ZNF292: variants seen among roughly 807,000 people sequenced by gnomAD.
The protein encoded by ZNF292 is zinc finger protein 292, also known as 16 zinc-finger domain protein.
Under a neutral mutation model 217.9 loss-of-function variants are expected in ZNF292, and 26 were observed. The observed-to-expected ratio is 0.12, with a 90% CI of 0.09 to 0.17. ZNF292 has a LOEUF of 0.17. Among genes scored for constraint, ZNF292 ranks in the 10% least tolerant of loss-of-function variants. ZNF292 has a pLI of 1.00. For synonymous variants in ZNF292, 1,257 were observed against 1,124.1 expected, an observed-to-expected ratio of 1.12 and a Z score of -2.37; for missense variants, 2,904 against 3,175.2, an observed-to-expected ratio of 0.91 and a Z score of 2.05.
intron 7 of ZNF292, among the ~76,000 whole-genome samples, chr6:87,249,875 A>G (rs1479191710): frequency 1.3e-5 from 2 of 151,870 alleles, no homozygotes; most frequent in East Asian, 3.9e-4. Context: ...ATGCCCAGCT[A>G]ATTTTTGTAT....
At chr6:87,229,338 A>G (rs578103668) in intron 4 of ZNF292, among the ~76,000 whole-genome samples, 10 of 152,270 alleles carry the variant, frequency 6.6e-5, no homozygotes, top group African/African-American at 2.4e-4. Context: ...TCTACATACA[A>G]GATCATGTCA....
chr6:87,239,752 T>A lies in ZNF292; in HGVS notation c.742-3723T>A, dbSNP rs138533207. On this transcript the variant is annotated intron_variant, in intron 5 of 7. Coordinates refer to ENST00000369577, the MANE Select transcript of ZNF292 (RefSeq NM_015021.3). ...GCAGAGGCGCTCCTCACATCCCAGA[T>A]GGGGCGGTGGGGCAGAGGCGCTCCC... is the stretch of plus-strand genomic sequence containing the variant. Among the ~76,000 whole-genome samples the A allele has an allele frequency of 8.3e-4, 78 of 94,102 alleles. 6 individuals are homozygous for A. The East Asian group carries it at 0.021, about 25-fold the overall frequency. The allele number at this position is 94,102 out of a possible 152,430, so 61.7% of individuals were successfully genotyped here.
intron 3 of ZNF292, among the ~76,000 whole-genome samples, chr6:87,217,793 A>G (rs1043025560): frequency 2.0e-5 from 3 of 152,142 alleles, no homozygotes; most frequent in Non-Finnish European, 4.4e-5. Context: ...TTGTTTGAAC[A>G]TAGCATGCAG....
chr6:87,200,633 G>A (rs986483027), intron 1 of ZNF292, among the ~76,000 whole-genome samples: 1 of 152,096 alleles, frequency 6.6e-6, no homozygotes, highest in African/African-American at 2.4e-5. Flanking sequence ...AGAAATTATG[G>A]GCCACACCAT....
chr6:87,156,512 A>G (rs1434256213), intron 1 of ZNF292, among the ~76,000 whole-genome samples: 1 of 152,198 alleles, frequency 6.6e-6, no homozygotes, highest in South Asian at 2.1e-4. Flanking sequence ...CGGTTTTTCC[A>G]GAGTCCGTTT....
chr6:87,262,123 ATAACAG>A lies in ZNF292; in HGVS notation c.*325_*330del, dbSNP rs1029434379. 5.7e-6 allele frequency: 1 copy of A among 176,596 alleles called. No homozygotes were observed. Among genetic ancestry groups the A allele is most frequent in the African/African-American group, 2.4e-5 (1 of 42,294 alleles). 10.9% of individuals were successfully genotyped at this position (176,596 alleles called of 1,614,324 possible). A position where few individuals can be genotyped will look rare whatever the true frequency, so the allele number is the denominator to read the frequency against. On this transcript the variant is annotated 3_prime_UTR_variant, in exon 8 of 8. Coordinates refer to ENST00000369577, the MANE Select transcript of ZNF292 (RefSeq NM_015021.3). Reference sequence around the variant, plus strand: ...TGTTTCACCAGGTCACTGCTCATGTATAACAGTACTCTTTATTTGTAGATACCTTTT... The same window carrying A: ...TGTTTCACCAGGTCACTGCTCATGTATACTCTTTATTTGTAGATACCTTTT...
chr6:87,249,381 G>T (rs1469694252), intron 7 of ZNF292: 3 of 424,902 alleles, frequency 7.1e-6, no homozygotes, highest in Middle Eastern at 3.3e-4. Context: ...CCGTGCCTTG[G>T]CCTTCCAAAG....
intron 4 of ZNF292, among the ~76,000 whole-genome samples, chr6:87,219,217 T>C (rs542209165): frequency 6.6e-5 from 10 of 152,308 alleles, no homozygotes; most frequent in African/African-American, 2.4e-4. Context: ...CTATTGAAAG[T>C]AGATGGCTAA....
At chr6:87,201,087 A>T (rs1274649226) in intron 1 of ZNF292, among the ~76,000 whole-genome samples, 1 of 152,184 alleles carries the variant, frequency 6.6e-6, no homozygotes, top group African/African-American at 2.4e-5. Flanking sequence ...AAGGCAACAT[A>T]CTCAGAAGTA....
intron 1 of ZNF292, among the ~76,000 whole-genome samples, chr6:87,162,843 C>T (rs532098323): frequency 6.6e-6 from 1 of 152,312 alleles, no homozygotes; most frequent in South Asian, 2.1e-4. Flanking sequence ...TGAGAGGTTA[C>T]ATTATTTTTC....
chr6:87,203,411 G>C (rs766900656), intron 1 of ZNF292, among the ~76,000 whole-genome samples: 21 of 152,094 alleles, frequency 1.4e-4, no homozygotes, highest in Non-Finnish European at 2.5e-4. Context: ...CCAAAGTGCT[G>C]GGATTACAAG....
Position 87,260,818 on chromosome 6 carries a change from G to T in ZNF292, c.7189G>T (p.Val2397Phe), listed in dbSNP as rs761679576. Residue 2397 changes from valine (V) to phenylalanine (F), a missense_variant, in exon 8 of 8, where the codon GTT becomes TTT. Physicochemically the swap from Val to Phe is conservative, Grantham distance 50. Coordinates refer to ENST00000369577, the MANE Select transcript of ZNF292 (RefSeq NM_015021.3). ...TATGATAAAGGGATGTACTTCAGTT[G>T]TTACAAGTGAAAGCAATATAATTAG... Reference protein sequence around the residue: ...PCMIKGCTSVVTSESNIIRHY... With the variant: ...PCMIKGCTSVFTSESNIIRHY... 16 of 1,612,698 alleles carry T rather than the reference G, an allele frequency of 9.9e-6. No individual in the cohort carries two copies. The highest frequency in any genetic ancestry group is 1.0e-5 in the Non-Finnish European group (12 of 1,179,288).
In ZNF292 at chr6:87,255,058, G is replaced by C. The variant is rs1168172810; in HGVS notation, c.1429G>C (p.Glu477Gln). 1 of 1,613,704 alleles carries C rather than the reference G, an allele frequency of 6.2e-7. No individual in the cohort carries two copies. Among genetic ancestry groups the C allele is most frequent in the Admixed American group, 1.7e-5 (1 of 60,004 alleles). ...TTCAATAGATGAACTAAATGACAGT[G>C]AAGTATATGAAAAAGTGGTAGACTA... Reference protein sequence around the residue: ...VSSIDELNDSEVYEKVVDYQE... With the variant: ...VSSIDELNDSQVYEKVVDYQE... Residue 477 changes from glutamate to glutamine, a missense_variant, in exon 8 of 8, where the codon GAA becomes CAA. Glu to Gln is a conservative substitution (Grantham distance 29). Coordinates refer to ENST00000369577, the MANE Select transcript of ZNF292 (RefSeq NM_015021.3).
chr6:87,173,135 A>G lies in ZNF292; in HGVS notation c.168+17376A>G, dbSNP rs115395177. Among the ~76,000 whole-genome samples the G allele has an allele frequency of 3.4e-3, 520 of 152,230 alleles. 3 individuals carry two copies. The highest frequency in any genetic ancestry group is 0.012 in the African/African-American group (483 of 41,556). The stretch of plus-strand genomic sequence containing the variant: ...AGCAGCTCTTACTTTTTTATTCTAT[A>G]TACAGTAAAATGGCACTTTAATAAT... On this transcript the variant is annotated intron_variant, in intron 1 of 7. Coordinates refer to ENST00000369577, the MANE Select transcript of ZNF292 (RefSeq NM_015021.3).
intron 7 of ZNF292, among the ~76,000 whole-genome samples, chr6:87,254,393 C>T (rs2127855364): frequency 6.6e-6 from 1 of 152,294 alleles, no homozygotes; most frequent in East Asian, 1.9e-4. Flanking sequence ...CAAATAACTT[C>T]CAAGTTTGCC....
chr6:87,193,225 C>T (rs1369813786), intron 1 of ZNF292, among the ~76,000 whole-genome samples: 2 of 152,056 alleles, frequency 1.3e-5, no homozygotes, highest in African/African-American at 4.8e-5. Flanking sequence ...CATTATGCCA[C>T]AAGGGGAAAA....
chr6:87,182,138 G>A (rs572173810), intron 1 of ZNF292, among the ~76,000 whole-genome samples: 11 of 152,080 alleles, frequency 7.2e-5, no homozygotes, highest in Non-Finnish European at 1.5e-4. Flanking sequence ...AATTAGCTTT[G>A]TTATTAAAAA....
rs188313911 is a variant in ZNF292 at position 87,253,371 on chromosome 6, G to A, written c.1021-1279G>A. ...AGCCCCACAGGTAGCTGGGACTACA[G>A]CTGCATACCACCACACCTGGCTAAT... On this transcript the variant is annotated intron_variant, in intron 7 of 7. Transcript: ENST00000369577. Among the ~76,000 whole-genome samples the A allele has an allele frequency of 1.6e-3, 250 of 151,848 alleles. 1 individual carries two copies. Among genetic ancestry groups the A allele is most frequent in the African/African-American group, 5.8e-3 (242 of 41,404 alleles).
At chr6:87,184,199 A>G (rs1771563433) in intron 1 of ZNF292, among the ~76,000 whole-genome samples, 1 of 152,252 alleles carries the variant, frequency 6.6e-6, no homozygotes, top group Non-Finnish European at 1.5e-5. Context: ...GCTAATTGGC[A>G]CAATGTGTGA....
Sources: gnomAD v4.1 joint callset for allele counts (sites outside exome capture counted in the v4.1 genomes callset) on GRCh38, gnomAD v4.1.1 for gene constraint, MANE v1.5 for transcripts, NCBI Gene and HGNC (gene_info 2026-07-23, HGNC 2026-07-21) for gene names.